The following DEFB108B variants were observed in gnomAD, a reference collection of about 807,000 sequenced individuals.
The protein encoded by DEFB108B is beta-defensin 108B.
A neutral mutation model predicts 2.4 loss-of-function variants in DEFB108B; 3 were observed. The observed-to-expected ratio is 1.25, with a 90% CI of 0.57 to 3.24. The LOEUF is 3.24. Among genes scored for constraint, DEFB108B ranks in the 30% most tolerant of loss-of-function variants. DEFB108B has a pLI of 0.03. For missense variants in DEFB108B, 101 were observed against 87.8 expected (o/e 1.15, Z -0.60); for synonymous variants, 25 against 28.7 (o/e 0.87, Z 0.41).
intron 1 of DEFB108B, among the ~76,000 whole-genome samples, chr11:71,833,934 T>C (rs1952197757): frequency 6.6e-6 from 1 of 152,190 alleles, no homozygotes; most frequent in African/African-American, 2.4e-5. Flanking sequence ...TTTGGAGAAG[T>C]GTGTCTAGGA....
In DEFB108B at chr11:71,835,244, T is replaced by A. The variant is rs1952209022; in HGVS notation, c.58+1987T>A. Among the ~76,000 whole-genome samples the A allele has an allele frequency of 1.3e-5, 2 of 152,142 alleles. 1 individual carries two copies. Among genetic ancestry groups the A allele is most frequent in the South Asian group, 4.1e-4 (2 of 4,828 alleles). On this transcript the variant is annotated intron_variant, in intron 1 of 1. Coordinates refer to ENST00000328698, the MANE Select transcript of DEFB108B (RefSeq NM_001002035.2). ...CTTTTCAGACTTTACTCCCTCTCCC[T>A]CCCCTCCTGGTAAGTCCCAATCTCT...
intron 1 of DEFB108B, chr11:71,837,087 A>G: frequency 3.4e-6 from 1 of 290,184 alleles, no homozygotes; most frequent in Non-Finnish European, 6.6e-6. Context: ...CAGTGTTAGA[A>G]GATAATAAGG....
intron 1 of DEFB108B, among the ~76,000 whole-genome samples, chr11:71,833,969 T>A (rs1952198069): frequency 6.6e-6 from 1 of 152,202 alleles, no homozygotes; most frequent in Non-Finnish European, 1.5e-5. Context: ...CCATGGTGGT[T>A]ACCAGACACC....
chr11:71,836,625 C>T (rs1952220668), intron 1 of DEFB108B, among the ~76,000 whole-genome samples: 1 of 152,198 alleles, frequency 6.6e-6, no homozygotes, highest in Non-Finnish European at 1.5e-5. Context: ...AAATGAAATA[C>T]TATACAATGT....
intron 1 of DEFB108B, among the ~76,000 whole-genome samples, chr11:71,836,447 A>G (rs1454047133): frequency 6.6e-6 from 1 of 152,094 alleles, no homozygotes; most frequent in African/African-American, 2.4e-5. Flanking sequence ...TGTGTTCCAG[A>G]ATAGAAAAAA....
chr11:71,833,996 A>C (rs930945337), intron 1 of DEFB108B, among the ~76,000 whole-genome samples: 10 of 152,114 alleles, frequency 6.6e-5, no homozygotes, highest in Admixed American at 5.9e-4. Flanking sequence ...AGATCCAAAA[A>C]TTTTCTGGAA....
chr11:71,833,532 A>C (rs529328319), intron 1 of DEFB108B, among the ~76,000 whole-genome samples: 36 of 152,322 alleles, frequency 2.4e-4, no homozygotes, highest in African/African-American at 8.4e-4. Context: ...AAAATTAAAA[A>C]TCAGGCATTA....
Position 71,833,212 on chromosome 11 carries a change from G to C in DEFB108B, c.13G>C (p.Val5Leu). MRIA[V>L]LLFAIFFFMS... ...TCTTTCTTCAGCCATGAGGATTGCT[G>C]TCCTCCTCTTCGCCATTTTCTTCTT... Residue 5 changes from valine (V) to leucine (L), a missense_variant, in exon 1 of 2, where the codon GTC (valine) becomes CTC (leucine). Transcript: ENST00000328698. 1 of 1,601,014 alleles carries C rather than the reference G, an allele frequency of 6.2e-7. No homozygotes were observed. The highest frequency in any genetic ancestry group is 2.2e-5 in the East Asian group (1 of 44,844).
intron 1 of DEFB108B, among the ~76,000 whole-genome samples, chr11:71,833,729 T>C (rs1361398380): frequency 6.6e-6 from 1 of 152,210 alleles, no homozygotes; most frequent in Non-Finnish European, 1.5e-5. Context: ...CCCAATACTG[T>C]TGGTCACTGG....
intron 1 of DEFB108B, 47 bp downstream of exon 1, chr11:71,833,304 G>A (rs1166059069): frequency 1.3e-6 from 2 of 1,568,504 alleles, no homozygotes; most frequent in East Asian, 2.2e-5. Context: ...CACCTTACAG[G>A]GATTCAATAC....
intron 1 of DEFB108B, among the ~76,000 whole-genome samples, chr11:71,836,737 T>TG (rs1165606544): frequency 6.6e-6 from 1 of 152,192 alleles, no homozygotes; most frequent in Non-Finnish European, 1.5e-5. Flanking sequence ...CAAATACCCG[T>TG]GCCAGAGATA....
At chr11:71,835,753 A>G (rs1952212390) in intron 1 of DEFB108B, among the ~76,000 whole-genome samples, 2 of 152,350 alleles carry the variant, frequency 1.3e-5, no homozygotes, top group South Asian at 4.1e-4. Flanking sequence ...TTCTGCACAA[A>G]CATATTGCAA....
At position 71,833,231 on chromosome 11, in the gene DEFB108B, T is replaced by A. The variant is rs562018408; in HGVS notation, c.32T>A (p.Phe11Tyr). The A allele has an allele frequency of 6.2e-7, 1 of 1,600,854 alleles. No individual in the cohort carries two copies. Among genetic ancestry groups the A allele is most frequent in the Admixed American group, 1.7e-5 (1 of 59,422 alleles). The change falls in exon 1 of 2, where the codon TTC becomes TAC. Residue 11 changes from phenylalanine (F) to tyrosine (Y), a missense_variant. Transcript: ENST00000328698. Reference protein sequence around the residue: MRIAVLLFAIFFFMSQVLPAR... With the variant: MRIAVLLFAIYFFMSQVLPAR... ...ATTGCTGTCCTCCTCTTCGCCATTT[T>A]CTTCTTTATGAGCCAAGTTCTACCA...
intron 1 of DEFB108B, among the ~76,000 whole-genome samples, chr11:71,836,235 C>T (rs1363646314): frequency 6.6e-6 from 1 of 152,124 alleles, no homozygotes. Flanking sequence ...AAAAGCATGA[C>T]CTTTATTTCC....
intron 1 of DEFB108B, among the ~76,000 whole-genome samples, chr11:71,836,833 C>T (rs1480290450): frequency 1.3e-5 from 2 of 152,118 alleles, no homozygotes; most frequent in Non-Finnish European, 2.9e-5. Context: ...TGTTCCCTTC[C>T]ACAGGAAAAA....
rs1331920202 is a variant in DEFB108B at position 71,837,476 on chromosome 11, G to T, written c.136G>T (p.Val46Phe). 1.2e-6 allele frequency: 2 copies of T among 1,611,988 alleles called. No individual in the cohort carries two copies. Among genetic ancestry groups the T allele is most frequent in the Non-Finnish European group, 1.7e-6 (2 of 1,179,854 alleles). ...RDFCLETEIH[V>F]GRCLNSQPCC... ...CTTTTGCCTTGAAACAGAAATCCAT[G>T]TTGGGAGATGTTTAAATAGCCAACC... The change falls in exon 2 of 2, where the codon GTT (valine) becomes TTT (phenylalanine). Residue 46 changes from valine to phenylalanine, a missense_variant. Physicochemically the swap from Val to Phe is conservative, Grantham distance 50. Coordinates refer to ENST00000328698, the MANE Select transcript of DEFB108B (RefSeq NM_001002035.2).
In DEFB108B at chr11:71,837,461, G is replaced by GA. The variant is rs1182407481; in HGVS notation, c.124dup (p.Thr42AsnfsTer11). On this transcript the variant is annotated frameshift_variant, in exon 2 of 2. Transcript: ENST00000328698. LOFTEE classifies it low-confidence loss of function (END_TRUNC). The stretch of plus-strand genomic sequence containing the variant: ...TGGCTCCTGTCGGGACTTTTGCCTT[G>GA]AAACAGAAATCCATGTTGGGAGATG... 2 of 1,612,008 alleles carry GA rather than the reference G, an allele frequency of 1.2e-6. No homozygotes were observed. The highest frequency in any genetic ancestry group is 4.5e-5 in the East Asian group (2 of 44,884).
At chr11:71,837,068 A>G (rs527674171) in intron 1 of DEFB108B, 98 of 233,298 alleles carry the variant, frequency 4.2e-4, no homozygotes, top group African/African-American at 2.2e-3. Context: ...AAAGGCTGAA[A>G]TCTCCCATCA....
chr11:71,837,026 A>G (rs1952225328), intron 1 of DEFB108B: 1 of 180,340 alleles, frequency 5.5e-6, no homozygotes, highest in Admixed American at 6.0e-5. Flanking sequence ...CGCTCCAGGA[A>G]AATCCATAGT....
Sources: allele counts gnomAD v4.1 joint callset (sites outside exome capture counted in the v4.1 genomes callset), GRCh38; gene constraint gnomAD v4.1.1; transcripts MANE v1.5; gene names NCBI Gene and HGNC (gene_info 2026-07-23, HGNC 2026-07-21).